The following SFXN5 variants were observed in gnomAD, a reference collection of about 807,000 sequenced individuals.
SFXN5 encodes sideroflexin-5.
Under a neutral mutation model 50.2 loss-of-function variants are expected in SFXN5, and 43 were observed. The observed-to-expected ratio is 0.86, with a 90% CI of 0.67 to 1.11. The LOEUF is 1.11. Ranked by LOEUF, SFXN5 falls within the 50% of genes least tolerant of loss-of-function variation. The probability of loss-of-function intolerance (pLI) is 0.00; values close to 1 mark genes in which losing one functional copy is unlikely to be tolerated. For synonymous variants in SFXN5, 203 were observed against 185.8 expected (o/e 1.09, Z -0.75); for missense variants, 463 against 454.1 (o/e 1.02, Z -0.18).
chr2:73,069,550 G>A lies in SFXN5; in HGVS notation c.102+2054C>T, dbSNP rs141115834. Reference sequence around the variant, plus strand: ...TTAACATGGATGAATCACATGCAACGTGCTTTATGCAGGCCACTATGCTGG... The same window carrying A: ...TTAACATGGATGAATCACATGCAACATGCTTTATGCAGGCCACTATGCTGG... On this transcript the variant is annotated intron_variant, in intron 1 of 13. Coordinates refer to ENST00000272433, the MANE Select transcript of SFXN5 (RefSeq NM_144579.3). Among the ~76,000 whole-genome samples the A allele has an allele frequency of 3.9e-3, 601 of 152,274 alleles. 3 individuals are homozygous for A. The highest frequency in any genetic ancestry group is 7.3e-3 in the Non-Finnish European group (499 of 68,016).
intron 1 of SFXN5, chr2:73,071,395 G>A (rs1683598564): frequency 1.8e-6 from 1 of 568,942 alleles, no homozygotes. Context: ...CGGCGCCAAG[G>A]GCCAATAGGA....
At chr2:73,005,676 C>A (rs1214342735) in intron 6 of SFXN5, among the ~76,000 whole-genome samples, 2 of 152,188 alleles carry the variant, frequency 1.3e-5, no homozygotes, top group African/African-American at 4.8e-5. Context: ...CACCACTGAA[C>A]ATCGTCTCAT....
At chr2:72,982,265 G>GGGCC (rs766747347) in intron 10 of SFXN5, among the ~76,000 whole-genome samples, 1 of 152,002 alleles carries the variant, frequency 6.6e-6, no homozygotes, top group Non-Finnish European at 1.5e-5. Context: ...GGAAAGGGGT[G>GGGCC]GGCCCATTGG....
chr2:73,032,124 T>G (rs1285666385), intron 3 of SFXN5, among the ~76,000 whole-genome samples: 1 of 150,820 alleles, frequency 6.6e-6, no homozygotes, highest in Non-Finnish European at 1.5e-5. Context: ...AGTTTGAAGT[T>G]TCACAAGCCA....
At chr2:72,993,489 GC>G (rs1406723271) in intron 9 of SFXN5, among the ~76,000 whole-genome samples, 1 of 152,196 alleles carries the variant, frequency 6.6e-6, no homozygotes, top group African/African-American at 2.4e-5. Context: ...CCTGAACCAT[GC>G]CCCACAAGGG....
At chr2:72,998,613 C>G (rs765679086) in intron 9 of SFXN5, 34 of 309,022 alleles carry the variant, frequency 1.1e-4, no homozygotes, top group Admixed American at 2.3e-4. Flanking sequence ...CCCCCCACCC[C>G]GCTCGCTCCA....
At chr2:72,947,034 C>G (rs548693464) in intron 13 of SFXN5, among the ~76,000 whole-genome samples, 1 of 152,236 alleles carries the variant, frequency 6.6e-6, no homozygotes, top group African/African-American at 2.4e-5. Flanking sequence ...CTCTGCTCTC[C>G]CGTCTTCAGC....
intron 13 of SFXN5, among the ~76,000 whole-genome samples, chr2:72,948,306 T>C (rs1672170554): frequency 6.6e-6 from 1 of 152,176 alleles, no homozygotes; most frequent in Non-Finnish European, 1.5e-5. Context: ...TATATAAACA[T>C]AAAAGGAAAA....
intron 2 of SFXN5, chr2:73,053,398 TGCTCTCCTTCCC>T (rs1336751406): frequency 6.5e-6 from 1 of 154,376 alleles, no homozygotes; most frequent in Admixed American, 6.5e-5. Context: ...CTCAGTATCA[TGCTCTCCTTCCC>T]GCTGTTTTTT....
In SFXN5 at chr2:72,944,963, G is replaced by A. The variant is rs775719001; in HGVS notation, c.*59C>T. On this transcript the variant is annotated 3_prime_UTR_variant, in exon 14 of 14. Transcript: ENST00000272433. ...CCTGCAGGTGCAGCCGTGAGTCTACGGCCCTGCCCCTCAGCTCCCCGGCTG... is the reference window on the plus strand; with the variant it reads ...CCTGCAGGTGCAGCCGTGAGTCTACAGCCCTGCCCCTCAGCTCCCCGGCTG... 94 of 1,533,164 alleles carry A rather than the reference G, an allele frequency of 6.1e-5. No homozygotes were observed. Among genetic ancestry groups the A allele is most frequent in the Middle Eastern group, 3.4e-4 (2 of 5,890 alleles). 95.0% of individuals were successfully genotyped at this position (1,533,164 alleles called of 1,614,324 possible). A position where few individuals can be genotyped will look rare whatever the true frequency, so the allele number is the denominator to read the frequency against.
intron 6 of SFXN5, among the ~76,000 whole-genome samples, chr2:73,006,643 T>G (rs1053769954): frequency 4.6e-4 from 68 of 146,612 alleles, no homozygotes; most frequent in Non-Finnish European, 1.0e-3. Flanking sequence ...AAAAAAAAAA[T>G]GCTCACGTAT....
chr2:72,967,748 G>A (rs779889283), intron 12 of SFXN5, among the ~76,000 whole-genome samples: 1 of 151,940 alleles, frequency 6.6e-6, no homozygotes, highest in Non-Finnish European at 1.5e-5. Context: ...CCTCCACCTA[G>A]GGGACCCTCC....
At chr2:73,029,130 G>A (rs1333340155) in intron 3 of SFXN5, among the ~76,000 whole-genome samples, 2 of 152,136 alleles carry the variant, frequency 1.3e-5, no homozygotes, top group Admixed American at 6.5e-5. Flanking sequence ...GCCTGTCCCC[G>A]AGCCTCCCAC....
chr2:72,972,259 A>G (rs1415889691), intron 10 of SFXN5, among the ~76,000 whole-genome samples: 7 of 152,220 alleles, frequency 4.6e-5, no homozygotes, highest in Admixed American at 4.6e-4. Context: ...TGAGGCTCAG[A>G]GAAGAGGAGT....
chr2:73,012,161 G>A (rs1203062883), intron 6 of SFXN5, among the ~76,000 whole-genome samples: 5 of 152,176 alleles, frequency 3.3e-5, no homozygotes, highest in Admixed American at 1.3e-4. Context: ...TGACTTAAAT[G>A]TATGCAGATA....
At chr2:73,033,132 T>C (rs932232276) in intron 3 of SFXN5, among the ~76,000 whole-genome samples, 4 of 152,222 alleles carry the variant, frequency 2.6e-5, no homozygotes, top group African/African-American at 9.6e-5. Context: ...GAGCCTCCTC[T>C]TCCTCATTTG....
intron 10 of SFXN5, among the ~76,000 whole-genome samples, chr2:72,986,030 G>A (rs998750231): frequency 2.0e-5 from 3 of 152,206 alleles, no homozygotes; most frequent in Non-Finnish European, 4.4e-5. Context: ...GCAGCAGAGC[G>A]CTGCCCCTTC....
intron 2 of SFXN5, chr2:73,049,059 A>G (rs1425558376): frequency 6.6e-6 from 1 of 152,222 alleles, no homozygotes; most frequent in African/African-American, 2.4e-5. Flanking sequence ...TTTTAGTATT[A>G]CTATGTTATC....
In SFXN5 at chr2:72,973,367, G is replaced by A. The variant is rs528022998; in HGVS notation, c.626-1682C>T. On this transcript the variant is annotated intron_variant, in intron 10 of 13. Transcript: ENST00000272433. This position sits in a 1 kb window ranked among gnomAD's most constrained non-coding sequence, Gnocchi z 5.5. The stretch of plus-strand genomic sequence containing the variant: ...CCAGGGGCGGTTCTGTGGGGCATTT[G>A]GCCATGTTTGAGGGCATTTTCAGTG... The A allele has an allele frequency of 2.4e-3, 400 of 169,194 alleles. 2 individuals are homozygous for A. Among genetic ancestry groups the A allele is most frequent in the African/African-American group, 9.1e-3 (378 of 41,618 alleles). The allele number at this position is 169,194 out of a possible 1,614,324, so 10.5% of individuals were successfully genotyped here. A position where few individuals can be genotyped will look rare whatever the true frequency, so the allele number is the denominator to read the frequency against.
Sources: allele counts gnomAD v4.1 joint callset (sites outside exome capture counted in the v4.1 genomes callset), GRCh38; gene constraint gnomAD v4.1.1; non-coding constraint Gnocchi (gnomAD v3.1); transcripts MANE v1.5; gene names NCBI Gene and HGNC (gene_info 2026-07-23, HGNC 2026-07-21).